ASB11: variants seen among roughly 807,000 people sequenced by gnomAD.
ASB11 encodes ankyrin repeat and SOCS box containing 11, also known as ankyrin repeat and SOCS box protein 11.
In ASB11, 17 loss-of-function variants were observed where a neutral mutation model predicts 20.1. The ratio of observed to expected loss-of-function variants is 0.85; its 90% CI spans 0.58 to 1.27. The LOEUF (loss-of-function observed/expected upper bound fraction) is 1.27, where lower values mean the gene tolerates loss of function less well. Ranked by LOEUF, ASB11 falls within the 50% of genes most tolerant of loss-of-function variation. The probability of loss-of-function intolerance (pLI) is 0.00; values close to 1 mark genes in which losing one functional copy is unlikely to be tolerated. For synonymous variants in ASB11, 107 were observed against 105.6 expected (o/e 1.01, Z -0.08); for missense variants, 259 against 256.9 (o/e 1.01, Z -0.06).
At chrX:15,294,863 T>C (rs1920954419) in intron 3 of ASB11, among the ~76,000 whole-genome samples, 1 of 94,062 alleles carries the variant, frequency 1.1e-5, no homozygotes, top group South Asian at 6.2e-4. Context: ...GTTGTCTTCT[T>C]ATGCGATTTC....
At chrX:15,293,384 T>C (rs1425575898) in intron 3 of ASB11, 64 bp from the exon 4 acceptor site, 1 of 1,123,606 alleles carries the variant, frequency 8.9e-7, no homozygotes, top group Admixed American at 2.5e-5. Flanking sequence ...TCCAAGTATG[T>C]CTTCCTATGT....
chrX:15,297,743 C>T lies in ASB11; in HGVS notation c.262-62G>A. 3.8e-6 allele frequency: 4 copies of T among 1,059,596 alleles called. No homozygotes were observed. The South Asian group carries it at 6.0e-5, about 16-fold the overall frequency. 87.3% of individuals were successfully genotyped at this position (1,059,596 alleles called of 1,213,427 possible). A position where few individuals can be genotyped will look rare whatever the true frequency, so the allele number is the denominator to read the frequency against. Reference sequence around the variant, plus strand: ...ACAGACTGGGGTCTCACTGTGTTGCCCAGGCTGGTCTCAAACTCCTGGCCT... The same window carrying T: ...ACAGACTGGGGTCTCACTGTGTTGCTCAGGCTGGTCTCAAACTCCTGGCCT... On this transcript the variant is annotated intron_variant, in intron 2 of 6. Transcript: ENST00000480796.
intron 1 of ASB11, among the ~76,000 whole-genome samples, chrX:15,308,828 G>A (rs1023950846): frequency 9.0e-6 from 1 of 111,436 alleles, no homozygotes; most frequent in African/African-American, 3.3e-5. Flanking sequence ...TATAAATCAG[G>A]GGTCCCTAAC....
chrX:15,301,923 G>A (rs759807376), intron 2 of ASB11, among the ~76,000 whole-genome samples: 56 of 111,960 alleles, frequency 5.0e-4, no homozygotes, highest in African/African-American at 1.8e-3. Context: ...CAGTAATCCT[G>A]GAATCCAGGT....
chrX:15,284,184 G>A (rs768202492), intron 6 of ASB11, among the ~76,000 whole-genome samples: 4 of 104,958 alleles, frequency 3.8e-5, no homozygotes, highest in South Asian at 4.3e-4. Flanking sequence ...CCCGGGAGGC[G>A]GAGCTTGCAG....
intron 6 of ASB11, among the ~76,000 whole-genome samples, chrX:15,286,991 C>A (rs1927406176): frequency 8.9e-6 from 1 of 111,966 alleles, no homozygotes; most frequent in African/African-American, 3.2e-5. Context: ...ATAAGAGGTT[C>A]TCTTCTGAAT....
At chrX:15,295,239 C>T (rs1920956746) in intron 3 of ASB11, among the ~76,000 whole-genome samples, 1 of 110,081 alleles carries the variant, frequency 9.1e-6, no homozygotes, top group Admixed American at 9.8e-5. Flanking sequence ...GACGGGGTTT[C>T]ACCATGTTGG....
rs1045176413 is a variant in ASB11, at chrX:15,282,566, T to G, written c.*939A>C. ...TTTGAAAATAAGCCAGTGCTTGGGT[T>G]GCAACATGCCTCAGACAATGCCTGT... On this transcript the variant is annotated 3_prime_UTR_variant, in exon 7 of 7. Coordinates refer to ENST00000480796, the MANE Select transcript of ASB11 (RefSeq NM_080873.3). 1.8e-5 allele frequency: 2 copies of G among 111,460 alleles called. No individual in the cohort carries two copies. Among genetic ancestry groups the G allele is most frequent in the African/African-American group, 6.5e-5 (2 of 30,663 alleles). The allele number at this position is 111,460 out of a possible 1,213,427, so 9.2% of individuals were successfully genotyped here. A position where few individuals can be genotyped will look rare whatever the true frequency, so the allele number is the denominator to read the frequency against.
In ASB11 at chrX:15,283,463, C is replaced by T; in HGVS notation, c.*42G>A. 1 of 1,203,191 alleles carries T rather than the reference C, an allele frequency of 8.3e-7. No homozygotes were observed. The highest frequency in any genetic ancestry group is 1.1e-6 in the Non-Finnish European group (1 of 888,254). ...TAGGTACTCTAGGTACAGCAGACAA[C>T]AATCTGTGTCATTCCAAGTATCTTC... is the stretch of plus-strand genomic sequence containing the variant. On this transcript the variant is annotated 3_prime_UTR_variant, in exon 7 of 7. Transcript: ENST00000480796.
intron 1 of ASB11, among the ~76,000 whole-genome samples, chrX:15,308,677 T>C (rs757861713): frequency 1.8e-5 from 2 of 112,125 alleles, no homozygotes; most frequent in South Asian, 7.5e-4. Context: ...CTAGGAAGTA[T>C]CAGAAATAGG....
intron 6 of ASB11, among the ~76,000 whole-genome samples, chrX:15,285,954 G>A (rs916461905): frequency 3.6e-5 from 4 of 110,801 alleles, no homozygotes; most frequent in Middle Eastern, 4.2e-3. Flanking sequence ...GCAGTGAGCC[G>A]AGATCACGCC....
intron 5 of ASB11, 130 bp downstream of exon 5, chrX:15,289,374 T>G: frequency 3.1e-5 from 22 of 714,875 alleles, no homozygotes; most frequent in East Asian, 3.6e-5. Context: ...CTAGAGAAGT[T>G]TTGTTTTTAG....
chrX:15,297,218 G>A (rs969143989), intron 3 of ASB11, among the ~76,000 whole-genome samples: 1 of 111,823 alleles, frequency 8.9e-6, no homozygotes, highest in African/African-American at 3.3e-5. Flanking sequence ...CGTGAACCCC[G>A]GCAGAGCTTG....
intron 4 of ASB11, 24 bp downstream of exon 4, chrX:15,293,146 C>T (rs769650226): frequency 8.3e-7 from 1 of 1,200,334 alleles, no homozygotes; most frequent in East Asian, 3.0e-5. Context: ...CAATGTTTCA[C>T]ATGCATTGTG....
chrX:15,287,038 C>T (rs1927406961), intron 6 of ASB11, among the ~76,000 whole-genome samples: 1 of 112,212 alleles, frequency 8.9e-6, no homozygotes, highest in East Asian at 2.8e-4. Flanking sequence ...CGCCTTACCT[C>T]TTCTGGCATC....
At chrX:15,304,705 C>T (rs1412809087) in intron 1 of ASB11, among the ~76,000 whole-genome samples, 1 of 112,028 alleles carries the variant, frequency 8.9e-6, no homozygotes, top group Non-Finnish European at 1.9e-5. Flanking sequence ...TGGTGAAACC[C>T]TGTCTCTGAT....
Position 15,289,457 on chromosome X carries a change from T to C in ASB11, c.655+47A>G, listed in dbSNP as rs764475773. On this transcript the variant is annotated intron_variant, in intron 5 of 6. Coordinates refer to ENST00000480796, the MANE Select transcript of ASB11 (RefSeq NM_080873.3). Reference sequence around the variant, plus strand: ...ACTTCATCTTTGAAGCTGTAGAAAATCAACAAAGTTAACAGGTTTCTTCAT... The same window carrying C: ...ACTTCATCTTTGAAGCTGTAGAAAACCAACAAAGTTAACAGGTTTCTTCAT... 13 of 1,111,245 alleles carry C rather than the reference T, an allele frequency of 1.2e-5. No homozygotes were observed. The South Asian group carries it at 2.7e-4, about 23-fold the overall frequency. The allele number at this position is 1,111,245 out of a possible 1,213,427, so 91.6% of individuals were successfully genotyped here. A position where few individuals can be genotyped will look rare whatever the true frequency, so the allele number is the denominator to read the frequency against.
intron 2 of ASB11, among the ~76,000 whole-genome samples, chrX:15,302,491 T>C (rs1206485059): frequency 7.2e-5 from 8 of 110,751 alleles, no homozygotes; most frequent in African/African-American, 2.6e-4. Flanking sequence ...AAACTTCTTA[T>C]GAGGTAAAGG....
intron 1 of ASB11, among the ~76,000 whole-genome samples, chrX:15,314,851 G>T (rs1483823824): frequency 9.0e-6 from 1 of 110,799 alleles, no homozygotes; most frequent in Non-Finnish European, 1.9e-5. Context: ...AAAATGTTTT[G>T]CCCAAATCTT....
Sources: allele counts gnomAD v4.1 joint callset (sites outside exome capture counted in the v4.1 genomes callset), GRCh38; gene constraint gnomAD v4.1.1; transcripts MANE v1.5; gene names NCBI Gene and HGNC (gene_info 2026-07-23, HGNC 2026-07-21).